Variants in ANAPC7 observed in about 807,000 individuals in gnomAD.
ANAPC7 encodes anaphase-promoting complex subunit 7.
Under a neutral mutation model 63.3 loss-of-function variants are expected in ANAPC7, and 25 were observed. The observed-to-expected ratio is 0.39, with a 90% CI of 0.29 to 0.55. ANAPC7 has a LOEUF of 0.55. ANAPC7 is among the 20% of genes least tolerant of loss of function. ANAPC7 has a pLI of 0.57. For synonymous variants in ANAPC7, 241 were observed against 251.7 expected (o/e 0.96, Z 0.40); for missense variants, 516 against 691.7 (o/e 0.75, Z 2.85).
chr12:110,381,605 G>C, intron 8 of ANAPC7, 147 bp downstream of exon 8: 1 of 757,188 alleles, frequency 1.3e-6, no homozygotes, highest in Non-Finnish European at 2.1e-6. Context: ...AAAGTGCTGA[G>C]ATTACAGGTG....
At chr12:110,392,804 G>T (rs1399338338) in intron 3 of ANAPC7, among the ~76,000 whole-genome samples, 2 of 151,272 alleles carry the variant, frequency 1.3e-5, no homozygotes, top group Non-Finnish European at 3.0e-5. Context: ...TTGTTTTTTT[G>T]TTTTTTTTGA....
At chr12:110,397,072 C>G (rs2062153608) in intron 1 of ANAPC7, among the ~76,000 whole-genome samples, 2 of 151,710 alleles carry the variant, frequency 1.3e-5, no homozygotes, top group Non-Finnish European at 2.9e-5. Context: ...GGCGTGGTGG[C>G]AGGCGCCTGT....
intron 3 of ANAPC7, among the ~76,000 whole-genome samples, chr12:110,389,406 A>T (rs1400133909): frequency 6.6e-6 from 1 of 152,220 alleles, no homozygotes; most frequent in Non-Finnish European, 1.5e-5. Flanking sequence ...ATAAAGAAGT[A>T]TAATACTTGG....
rs368734362 is a variant in ANAPC7, at chr12:110,387,932, A to G, written c.521-40T>C. On this transcript the variant is annotated intron_variant, in intron 4 of 10. Coordinates refer to ENST00000455511, the MANE Select transcript of ANAPC7 (RefSeq NM_016238.3). ...AGCAGAAGAAAGAAAGTAAGGCACG[A>G]TATCTCTCTTCCACATGCAAGGAGC... 173 of 1,604,540 alleles carry G rather than the reference A, an allele frequency of 1.1e-4. No individual in the cohort carries two copies. In the South Asian group the frequency reaches 1.7e-3, roughly 16 times the overall value.
intron 2 of ANAPC7, 83 bp from the exon 3 acceptor site, chr12:110,395,303 T>A: frequency 7.3e-7 from 1 of 1,376,034 alleles, no homozygotes; most frequent in Non-Finnish European, 9.8e-7. Context: ...AGAGTTATCA[T>A]ATGACCCAGC....
At chr12:110,379,438 A>T (rs1312870350) in intron 8 of ANAPC7, among the ~76,000 whole-genome samples, 2 of 152,234 alleles carry the variant, frequency 1.3e-5, no homozygotes, top group Non-Finnish European at 2.9e-5. Flanking sequence ...CGCTGTCCAA[A>T]TATTATAGGA....
intron 5 of ANAPC7, chr12:110,386,673 A>C (rs935993216): frequency 2.0e-6 from 1 of 495,278 alleles, no homozygotes; most frequent in African/African-American, 2.0e-5. Context: ...GAAGTCTCTC[A>C]GTACCAACAA....
chr12:110,395,253 T>A (rs1229966516), intron 2 of ANAPC7, 33 bp from the exon 3 acceptor site: 2 of 1,591,870 alleles, frequency 1.3e-6, no homozygotes, highest in Non-Finnish European at 8.6e-7. Flanking sequence ...CTTTGAAACG[T>A]TATTCCAACA....
intron 4 of ANAPC7, 100 bp from the exon 5 acceptor site, chr12:110,387,992 T>A: frequency 1.6e-6 from 2 of 1,284,070 alleles, no homozygotes; most frequent in Non-Finnish European, 1.1e-6. Context: ...AAAAGGCAAC[T>A]GCTTCCCTAT....
At chr12:110,376,791 T>C (rs1881326167) in intron 9 of ANAPC7, among the ~76,000 whole-genome samples, 1 of 150,318 alleles carries the variant, frequency 6.7e-6, no homozygotes, top group Non-Finnish European at 1.5e-5. Flanking sequence ...GTTAGTTATA[T>C]TCAGCTCCAA....
At chr12:110,382,730 T>C in intron 7 of ANAPC7, 113 bp downstream of exon 7, 1 of 855,252 alleles carries the variant, frequency 1.2e-6, no homozygotes, top group Non-Finnish European at 1.8e-6. Flanking sequence ...CCACCATGCC[T>C]GTCCAGGTGA....
At chr12:110,382,461 A>ATATATATAT (rs1321570855) in intron 7 of ANAPC7, among the ~76,000 whole-genome samples, 15 of 30,836 alleles carry the variant, frequency 4.9e-4, no homozygotes, top group African/African-American at 6.1e-4. Flanking sequence ...AAAAAAAAAA[A>ATATATATAT]ATATATATAT....
chr12:110,386,076 C>T (rs879683447), intron 6 of ANAPC7, among the ~76,000 whole-genome samples: 1 of 151,920 alleles, frequency 6.6e-6, no homozygotes, highest in Non-Finnish European at 1.5e-5. Context: ...ATGACCCCCT[C>T]AAAAGAAAAA....
At chr12:110,390,477 G>A (rs1387848654) in intron 3 of ANAPC7, among the ~76,000 whole-genome samples, 3 of 152,146 alleles carry the variant, frequency 2.0e-5, no homozygotes, top group Non-Finnish European at 4.4e-5. Flanking sequence ...CAATCTCTTC[G>A]ATTTAACTGT....
At chr12:110,397,322 A>G (rs1339054833) in intron 1 of ANAPC7, among the ~76,000 whole-genome samples, 1 of 152,138 alleles carries the variant, frequency 6.6e-6, no homozygotes, top group African/African-American at 2.4e-5. Context: ...TGGGAGGCTG[A>G]GGCGGGCAGA....
At chr12:110,379,051 G>C (rs1881573686) in intron 8 of ANAPC7, 1 of 151,716 alleles carries the variant, frequency 6.6e-6, no homozygotes, top group Admixed American at 6.6e-5. Context: ...TAGTAGAGAT[G>C]GTAGTTCACC....
chr12:110,383,869 C>T (rs1882177067), intron 6 of ANAPC7, among the ~76,000 whole-genome samples: 1 of 108,130 alleles, frequency 9.2e-6, no homozygotes, highest in Non-Finnish European at 1.8e-5. Flanking sequence ...GAGCGAGACT[C>T]CGTCTCAAAA....
intron 6 of ANAPC7, 84 bp downstream of exon 6, chr12:110,386,243 G>A (rs890504369): frequency 2.9e-5 from 45 of 1,551,642 alleles, no homozygotes; most frequent in Admixed American, 2.5e-4. Flanking sequence ...ACTTGGTATC[G>A]AGTATTAATG....
At chr12:110,389,776 C>CA (rs1425098112) in intron 3 of ANAPC7, among the ~76,000 whole-genome samples, 2 of 151,664 alleles carry the variant, frequency 1.3e-5, no homozygotes, top group African/African-American at 4.8e-5. Flanking sequence ...CTAAAAAATA[C>CA]AAAAAATTAG....
Sources: allele counts gnomAD v4.1 joint callset (sites outside exome capture counted in the v4.1 genomes callset), GRCh38; gene constraint gnomAD v4.1.1; transcripts MANE v1.5; gene names NCBI Gene and HGNC (gene_info 2026-07-23, HGNC 2026-07-21).